The following UTRN variants were observed in gnomAD, a reference collection of about 807,000 sequenced individuals.
UTRN encodes the protein dystrophin-related protein 1.
A neutral mutation model predicts 463.9 loss-of-function variants in UTRN; 283 were observed. The observed-to-expected ratio is 0.61, with a 90% CI of 0.55 to 0.67. The LOEUF (loss-of-function observed/expected upper bound fraction) is 0.67, where lower values mean the gene tolerates loss of function less well. Among genes scored for constraint, UTRN ranks in the 30% least tolerant of loss-of-function variants. The pLI is 0.00. For missense variants in UTRN, 3,922 were observed against 4,084.3 expected, an observed-to-expected ratio of 0.96 and a Z score of 1.08; for synonymous variants, 1,442 against 1,431.5, an observed-to-expected ratio of 1.01 and a Z score of -0.17.
chr6:144,363,087 T>C (rs1407019726), intron 2 of UTRN, among the ~76,000 whole-genome samples: 1 of 152,202 alleles, frequency 6.6e-6, no homozygotes, highest in Non-Finnish European at 1.5e-5. Flanking sequence ...TTTATGTTTT[T>C]AAAAGATTTT....
At chr6:144,682,780 A>T (rs1782342731) in intron 52 of UTRN, among the ~76,000 whole-genome samples, 1 of 152,198 alleles carries the variant, frequency 6.6e-6, no homozygotes, top group Non-Finnish European at 1.5e-5. Context: ...GTTTGTTATT[A>T]CTTGGATATT....
At chr6:144,445,845 G>A (rs1306560371) in intron 14 of UTRN, among the ~76,000 whole-genome samples, 1 of 151,964 alleles carries the variant, frequency 6.6e-6, no homozygotes, top group Non-Finnish European at 1.5e-5. Context: ...AGACCAACAT[G>A]TTGAAACCTG....
intron 41 of UTRN, among the ~76,000 whole-genome samples, chr6:144,528,032 ATT>A (rs201546711): frequency 8.9e-6 from 1 of 112,116 alleles, no homozygotes; most frequent in African/African-American, 3.5e-5. Flanking sequence ...AGCTAGTGTG[ATT>A]TTTTTTTTTT....
chr6:144,758,018 T>G (rs1356941569), intron 58 of UTRN, 29 bp downstream of exon 58: 1 of 1,575,870 alleles, frequency 6.3e-7, no homozygotes, highest in South Asian at 1.2e-5. Flanking sequence ...TCCTTTATGA[T>G]ACCAAGAAAA....
At chr6:144,400,227 CTT>C (rs1214591513) in intron 2 of UTRN, among the ~76,000 whole-genome samples, 6 of 152,138 alleles carry the variant, frequency 3.9e-5, no homozygotes, top group Admixed American at 3.9e-4. Context: ...TATTCATTCA[CTT>C]AATATTATAC....
At position 144,788,720 on chromosome 6, in the gene UTRN, C is replaced by T. The variant is rs554070073; in HGVS notation, c.8835-474C>T. 6.6e-5 allele frequency among the ~76,000 whole-genome samples: 10 copies of T among 152,128 alleles called. No individual in the cohort carries two copies. In the East Asian group the frequency reaches 9.7e-4, roughly 15 times the overall value. ...GCTAGGATTATAGGCATGCGCCACC[C>T]GCCTGGCTAATTTTGTATTTTTAGT... On this transcript the variant is annotated intron_variant, in intron 61 of 74. Transcript: ENST00000367545.
chr6:144,557,350 A>G, intron 50 of UTRN, 39 bp downstream of exon 50: 1 of 1,577,006 alleles, frequency 6.3e-7, no homozygotes, highest in Non-Finnish European at 8.6e-7. Flanking sequence ...TATATTGTCA[A>G]GTTGAGAATT....
chr6:144,316,803 A>G (rs952065376), intron 2 of UTRN, among the ~76,000 whole-genome samples: 2 of 152,190 alleles, frequency 1.3e-5, no homozygotes, highest in African/African-American at 4.8e-5. Context: ...ATAGATGAGG[A>G]TATGCTTGTT....
chr6:144,681,848 T>C (rs1782233675), intron 52 of UTRN, among the ~76,000 whole-genome samples: 2 of 152,108 alleles, frequency 1.3e-5, no homozygotes, highest in South Asian at 2.1e-4. Context: ...ATTTTTAATG[T>C]TTGTGGGCAT....
intron 32 of UTRN, among the ~76,000 whole-genome samples, chr6:144,492,875 T>C (rs1427903989): frequency 6.6e-6 from 1 of 152,210 alleles, no homozygotes; most frequent in Non-Finnish European, 1.5e-5. Flanking sequence ...TAGAAATAAA[T>C]GTTAATAATT....
intron 42 of UTRN, 128 bp downstream of exon 42, chr6:144,531,330 T>A (rs1585145544): frequency 9.8e-7 from 1 of 1,020,610 alleles, no homozygotes; most frequent in East Asian, 3.0e-5. Context: ...GTAATTTTTG[T>A]TCCAATTCTT....
At chr6:144,340,768 C>A (rs1777082159) in intron 2 of UTRN, among the ~76,000 whole-genome samples, 1 of 152,164 alleles carries the variant, frequency 6.6e-6, no homozygotes, top group South Asian at 2.1e-4. Flanking sequence ...AATGAGGCCA[C>A]CGTGTAATCT....
chr6:144,517,002 C>T, intron 39 of UTRN, 54 bp downstream of exon 39: 1 of 1,357,070 alleles, frequency 7.4e-7, no homozygotes, highest in Non-Finnish European at 9.5e-7. Flanking sequence ...TAACTCTTGC[C>T]ATTCAGATGT....
chr6:144,670,382 GT>G (rs1300533457), intron 51 of UTRN, among the ~76,000 whole-genome samples: 1 of 152,080 alleles, frequency 6.6e-6, no homozygotes, highest in Non-Finnish European at 1.5e-5. Flanking sequence ...AATTAGTGAT[GT>G]TGAGCATTTT....
At chr6:144,428,670 A>G (rs1785518158) in intron 7 of UTRN, 108 bp from the exon 8 acceptor site, 1 of 569,976 alleles carries the variant, frequency 1.8e-6, no homozygotes, top group Middle Eastern at 4.0e-4. Flanking sequence ...ACTCAAAAAA[A>G]CCTCACAAAT....
At chr6:144,313,390 A>G (rs1222313204) in intron 2 of UTRN, among the ~76,000 whole-genome samples, 4 of 152,028 alleles carry the variant, frequency 2.6e-5, no homozygotes, top group Non-Finnish European at 4.4e-5. Context: ...AGAAAGGAGA[A>G]TGGATAATAA....
At chr6:144,544,484 G>C (rs1222878339) in intron 46 of UTRN, among the ~76,000 whole-genome samples, 1 of 151,946 alleles carries the variant, frequency 6.6e-6, no homozygotes, top group East Asian at 1.9e-4. Flanking sequence ...CTCTATTCTG[G>C]ATATTTCATA....
At chr6:144,489,769 C>T (rs1562477919) in intron 30 of UTRN, among the ~76,000 whole-genome samples, 1 of 151,880 alleles carries the variant, frequency 6.6e-6, no homozygotes, top group Non-Finnish European at 1.5e-5. Flanking sequence ...TTATAGGCGC[C>T]CGCCACCGTG....
chr6:144,742,610 C>T (rs964221511), intron 54 of UTRN, among the ~76,000 whole-genome samples: 1 of 152,112 alleles, frequency 6.6e-6, no homozygotes, highest in Non-Finnish European at 1.5e-5. Flanking sequence ...ATATCTAAGC[C>T]TCCCAGAGCT....
Sources: gnomAD v4.1 joint callset for allele counts (sites outside exome capture counted in the v4.1 genomes callset) on GRCh38, gnomAD v4.1.1 for gene constraint, MANE v1.5 for transcripts, NCBI Gene and HGNC (gene_info 2026-07-23, HGNC 2026-07-21) for gene names.